The following PROM1 variants were observed in gnomAD, a reference collection of about 807,000 sequenced individuals.
PROM1 encodes prominin 1.
In PROM1, 105 loss-of-function variants were observed where a neutral mutation model predicts 116.9. The observed-to-expected ratio is 0.90, with a 90% CI of 0.77 to 1.06. The LOEUF (loss-of-function observed/expected upper bound fraction) is 1.06, where lower values mean the gene tolerates loss of function less well. PROM1 is among the 50% of genes least tolerant of loss of function. The pLI is 0.00. For missense variants in PROM1, 1,122 were observed against 1,045.2 expected, an observed-to-expected ratio of 1.07 and a Z score of -1.01; for synonymous variants, 393 against 387.0, an observed-to-expected ratio of 1.02 and a Z score of -0.18.
intron 2 of PROM1, among the ~76,000 whole-genome samples, chr4:16,072,187 C>T (rs529843819): frequency 1.3e-5 from 2 of 152,244 alleles, no homozygotes; most frequent in East Asian, 3.9e-4. Context: ...CTGAATAAGA[C>T]CTTTCCATTT....
intron 5 of PROM1, among the ~76,000 whole-genome samples, chr4:16,027,945 G>A (rs1437031403): frequency 6.6e-6 from 1 of 152,112 alleles, no homozygotes; most frequent in African/African-American, 2.4e-5. Flanking sequence ...CGATTTCAAT[G>A]CTACATATTT....
At chr4:16,063,875 G>A (rs542645342) in intron 2 of PROM1, among the ~76,000 whole-genome samples, 7 of 152,104 alleles carry the variant, frequency 4.6e-5, no homozygotes, top group Non-Finnish European at 8.8e-5. Context: ...GTAAAAGAAG[G>A]GGGTAGGAGG....
At chr4:15,980,376 C>T (rs1005509145) in intron 24 of PROM1, 46 bp downstream of exon 24, 3 of 1,271,278 alleles carry the variant, frequency 2.4e-6, no homozygotes, top group Non-Finnish European at 3.3e-6. Context: ...GAAGACAGCA[C>T]CACCTAGAAA....
chr4:16,025,300 G>A lies in PROM1; in HGVS notation c.522C>T (p.Phe174=). ...VICIIISIGI[F]YGFVANHQVR... ...CCTGGTGATTTGCCACAAAACCATA[G>A]AAGATGCCAATGCTGCAGGAAAAGG... The change falls in exon 6 of 28, where the codon TTC becomes TTT. Residue 174 remains phenylalanine (F), a synonymous_variant. Transcript: ENST00000447510. 6.2e-7 allele frequency: 1 copy of A among 1,613,894 alleles called. No homozygotes were observed. Among genetic ancestry groups the A allele is most frequent in the Non-Finnish European group, 8.5e-7 (1 of 1,179,810 alleles).
At chr4:16,028,617 T>C (rs924156864) in intron 5 of PROM1, among the ~76,000 whole-genome samples, 1 of 152,214 alleles carries the variant, frequency 6.6e-6, no homozygotes, top group Non-Finnish European at 1.5e-5. Flanking sequence ...AGACACTCCC[T>C]GTTGTTCAGT....
chr4:15,979,887 A>C lies in PROM1; in HGVS notation c.2507T>G (p.Met836Arg). The change falls in exon 25 of 28, where the codon ATG becomes AGG. Residue 836 changes from methionine to arginine, a missense_variant. Coordinates refer to ENST00000447510, the MANE Select transcript of PROM1 (RefSeq NM_006017.3). ...TTTTTTTAAAAAGGCTTACTTTTTC[A>C]TGGGTATAGTTTCAACACTATAAAA... is the stretch of plus-strand genomic sequence containing the variant. ...DVYDDVETIP[M>R]KNMENGNNGY... 6.9e-7 allele frequency: 1 copy of C among 1,455,864 alleles called. No homozygotes were observed. The allele number at this position is 1,455,864 out of a possible 1,614,324, so 90.2% of individuals were successfully genotyped here.
At chr4:16,017,318 CAT>C (rs959456838) in intron 9 of PROM1, among the ~76,000 whole-genome samples, 175 of 152,208 alleles carry the variant, frequency 1.1e-3, no homozygotes, top group African/African-American at 3.7e-3. Context: ...AAGTTTTCCA[CAT>C]GTTTGATACA....
chr4:15,978,672 G>C (rs1214673314), intron 26 of PROM1, among the ~76,000 whole-genome samples: 3 of 152,222 alleles, frequency 2.0e-5, no homozygotes, highest in Admixed American at 2.0e-4. Flanking sequence ...GGGAGCACTG[G>C]CGGGCCAGCT....
At chr4:16,048,052 GT>G (rs1339683004) in intron 2 of PROM1, among the ~76,000 whole-genome samples, 3 of 152,154 alleles carry the variant, frequency 2.0e-5, no homozygotes, top group Non-Finnish European at 2.9e-5. Context: ...CACTTGAAGG[GT>G]TAAGTGTGGC....
intron 2 of PROM1, among the ~76,000 whole-genome samples, chr4:16,044,264 G>A: frequency 6.6e-6 from 1 of 152,172 alleles, no homozygotes; most frequent in East Asian, 1.9e-4. Flanking sequence ...GGCCTAAGCT[G>A]GGCCTAGTGA....
chr4:16,056,309 T>C (rs1481103349), intron 2 of PROM1, among the ~76,000 whole-genome samples: 1 of 152,098 alleles, frequency 6.6e-6, no homozygotes, highest in Non-Finnish European at 1.5e-5. Flanking sequence ...CAAGAGGATC[T>C]TTATAACGCA....
intron 26 of PROM1, among the ~76,000 whole-genome samples, chr4:15,974,887 G>A (rs776704093): frequency 6.6e-6 from 1 of 152,162 alleles, no homozygotes; most frequent in East Asian, 1.9e-4. Context: ...AAACACTGGG[G>A]GAAATCACAG....
At chr4:15,977,986 C>T (rs757067896) in intron 26 of PROM1, among the ~76,000 whole-genome samples, 6 of 152,146 alleles carry the variant, frequency 3.9e-5, no homozygotes, top group African/African-American at 7.2e-5. Context: ...GTCATAATCA[C>T]GGTGACGCTT....
intron 14 of PROM1, among the ~76,000 whole-genome samples, chr4:15,999,805 A>T (rs889907164): frequency 6.6e-6 from 1 of 152,170 alleles, no homozygotes; most frequent in Non-Finnish European, 1.5e-5. Context: ...ATATACAATG[A>T]AAGAGTGAAA....
At chr4:16,039,902 C>T (rs1038250785) in intron 2 of PROM1, among the ~76,000 whole-genome samples, 4 of 151,998 alleles carry the variant, frequency 2.6e-5, no homozygotes, top group African/African-American at 4.8e-5. Flanking sequence ...ACCTCTTAAC[C>T]CTGAGCAGCC....
chr4:15,989,172 C>T (rs1422691876), intron 19 of PROM1, among the ~76,000 whole-genome samples: 4 of 152,044 alleles, frequency 2.6e-5, no homozygotes, highest in African/African-American at 7.2e-5. Flanking sequence ...TTTGGAGAGC[C>T]AGAAGCAGAA....
chr4:16,019,144 C>A (rs572402765), intron 8 of PROM1, among the ~76,000 whole-genome samples: 13 of 152,176 alleles, frequency 8.5e-5, no homozygotes, highest in African/African-American at 3.1e-4. Flanking sequence ...GGGGTTAGAT[C>A]GGCCAGATGA....
intron 2 of PROM1, among the ~76,000 whole-genome samples, chr4:16,070,906 A>C (rs548871600): frequency 5.3e-5 from 8 of 152,196 alleles, no homozygotes; most frequent in Non-Finnish European, 5.9e-5. Context: ...ACACCTTCTG[A>C]TTCCTAAGTC....
chr4:16,060,859 A>C (rs1319041171), intron 2 of PROM1, among the ~76,000 whole-genome samples: 1 of 152,244 alleles, frequency 6.6e-6, no homozygotes, highest in Non-Finnish European at 1.5e-5. Context: ...ATTGAACACG[A>C]AAGCAACATA....
Sources: allele counts gnomAD v4.1 joint callset (sites outside exome capture counted in the v4.1 genomes callset), GRCh38; gene constraint gnomAD v4.1.1; transcripts MANE v1.5; gene names NCBI Gene and HGNC (gene_info 2026-07-23, HGNC 2026-07-21).